Variants in GALNT6 observed in about 807,000 individuals in gnomAD.
GALNT6 encodes the protein polypeptide N-acetylgalactosaminyltransferase 6, also known as GalNAc transferase 6.
GALNT6 carries 51 observed loss-of-function variants against 65.9 expected under a neutral mutation model. That is an observed-to-expected ratio of 0.77 (90% CI 0.62 to 0.98). GALNT6 has a LOEUF of 0.98. Ranked by LOEUF, GALNT6 falls within the 50% of genes least tolerant of loss-of-function variation. The pLI, the probability that GALNT6 is intolerant of heterozygous loss-of-function variation, is 0.00. For missense variants in GALNT6, 708 were observed against 803.3 expected (o/e 0.88, Z 1.43); for synonymous variants, 323 against 315.1 (o/e 1.02, Z -0.26).
upstream of GALNT6, chr12:51,391,411 G>C (rs1356044428): frequency 6.5e-6 from 1 of 153,644 alleles, no homozygotes; most frequent in Non-Finnish European, 1.5e-5. Flanking sequence ...GGAGGGACCA[G>C]CCTGGCCCAG....
intron 4 of GALNT6, among the ~76,000 whole-genome samples, chr12:51,374,959 AT>A (rs368272070): frequency 2.7e-3 from 398 of 147,876 alleles, no homozygotes; most frequent in Non-Finnish European, 4.1e-3. Context: ...TCAATTCAAC[AT>A]TTTTTTTTTT....
chr12:51,386,159 G>A (rs1360798133), intron 2 of GALNT6, among the ~76,000 whole-genome samples: 1 of 152,232 alleles, frequency 6.6e-6, no homozygotes, highest in East Asian at 1.9e-4. Flanking sequence ...GACTAGGTCT[G>A]TCTGTGGGTC....
intron 2 of GALNT6, among the ~76,000 whole-genome samples, chr12:51,382,849 G>A (rs901390058): frequency 7.9e-5 from 12 of 152,150 alleles, no homozygotes; most frequent in Non-Finnish European, 1.3e-4. Context: ...CCCCTTGGGT[G>A]ATGGGGTGGG....
chr12:51,368,169 G>C (rs970218919), intron 4 of GALNT6, among the ~76,000 whole-genome samples: 12 of 151,484 alleles, frequency 7.9e-5, no homozygotes, highest in Non-Finnish European at 1.6e-4. Flanking sequence ...AGATTAAGAT[G>C]AGAAGGCCAA....
At chr12:51,391,060 A>G (rs567367574) in intron 1 of GALNT6, 123 bp from the exon 2 acceptor site, 4 of 152,558 alleles carry the variant, frequency 2.6e-5, no homozygotes, top group Non-Finnish European at 4.4e-5. Context: ...AGGGAATTCA[A>G]CCAAGCAGGG....
intron 4 of GALNT6, among the ~76,000 whole-genome samples, chr12:51,372,910 TG>T (rs1947335134): frequency 6.6e-6 from 1 of 152,264 alleles, no homozygotes. Context: ...GAAATCACTT[TG>T]GAACTTTAAG....
At position 51,377,160 on chromosome 12, in the gene GALNT6, C is replaced by T. The variant is rs1350610089; in HGVS notation, c.664+35G>A. On this transcript the variant is annotated intron_variant, in intron 4 of 11. Coordinates refer to ENST00000356317, the MANE Select transcript of GALNT6 (RefSeq NM_007210.4). ...TCCTCCTTTGAGTGCCCAGGGGAGA[C>T]CCCGGCCCCCTCCTCTGGGCCCCTC... The T allele has an allele frequency of 3.8e-6, 6 of 1,598,382 alleles. No homozygotes were observed. The African/African-American group carries it at 4.0e-5, about 11-fold the overall frequency.
chr12:51,359,438 A>T, intron 7 of GALNT6, 106 bp from the exon 8 acceptor site: 1 of 742,562 alleles, frequency 1.3e-6, no homozygotes, highest in Non-Finnish European at 2.2e-6. Context: ...AGGTCCAAGG[A>T]CTTGGGCAAA....
At chr12:51,365,018 G>T (rs556930446) in intron 5 of GALNT6, among the ~76,000 whole-genome samples, 40 of 152,256 alleles carry the variant, frequency 2.6e-4, no homozygotes, top group Admixed American at 2.4e-3. Flanking sequence ...CAACAGTGGG[G>T]AAGTGTTTTG....
chr12:51,352,607 T>A lies in GALNT6; in HGVS notation c.*1772A>T, dbSNP rs935101836. The A allele has an allele frequency of 6.6e-6, 1 of 152,186 alleles. No homozygotes were observed. The highest frequency in any genetic ancestry group is 2.4e-5 in the African/African-American group (1 of 41,450). 9.4% of individuals were successfully genotyped at this position (152,186 alleles called of 1,614,324 possible). On this transcript the variant is annotated 3_prime_UTR_variant, in exon 12 of 12. Transcript: ENST00000356317. ...AGAATCACTGGCTCCAGGAGCTTTC[T>A]TTTAACACTAACATCCCAGGATTCC...
intron 4 of GALNT6, among the ~76,000 whole-genome samples, chr12:51,370,673 G>GGTTGCCAGGGGTTGTGGGGAGGACAGC (rs1348926078): frequency 5.3e-5 from 8 of 152,164 alleles, no homozygotes; most frequent in Non-Finnish European, 1.2e-4. Context: ...GTAGAAGGGT[G>GGTTGCCAGGGGTTGTGGGGAGGACAGC]GTTGCCAGGG....
Position 51,364,310 on chromosome 12 carries a change from G to A in GALNT6, c.860C>T (p.Ala287Val), listed in dbSNP as rs781256286. ...GWLEPLLARI[A>V]EDKTVVVSPD... Reference sequence around the variant, plus strand: ...GCTCACCACCACTGTCTTGTCCTCAGCGATTCGAGCCAGGAGGGGCTCCAG... The same window carrying A: ...GCTCACCACCACTGTCTTGTCCTCAACGATTCGAGCCAGGAGGGGCTCCAG... Residue 287 changes from alanine (A) to valine (V), a missense_variant, in exon 6 of 12, where the codon GCT becomes GTT. Coordinates refer to ENST00000356317, the MANE Select transcript of GALNT6 (RefSeq NM_007210.4). The A allele has an allele frequency of 1.1e-5, 17 of 1,614,200 alleles. No individual in the cohort carries two copies. Among genetic ancestry groups the A allele is most frequent in the South Asian group, 6.6e-5 (6 of 91,086 alleles).
At chr12:51,360,932 A>T in intron 6 of GALNT6, 94 bp from the exon 7 acceptor site, 1 of 696,250 alleles carries the variant, frequency 1.4e-6, no homozygotes. Flanking sequence ...CTCCTAACCC[A>T]CCTCCCCCTC....
chr12:51,369,458 C>T (rs1018810392), intron 4 of GALNT6, among the ~76,000 whole-genome samples: 4 of 152,202 alleles, frequency 2.6e-5, no homozygotes, highest in Non-Finnish European at 5.9e-5. Context: ...CTCATGTCCC[C>T]GCCGTGACAG....
Position 51,355,955 on chromosome 12 carries a change from A to G in GALNT6, c.1606T>C (p.Phe536Leu). Reference protein sequence around the residue: ...SCHGLGGNQYFEYTTQRDLRH... With the variant: ...SCHGLGGNQYLEYTTQRDLRH... The stretch of plus-strand genomic sequence containing the variant: ...AGGTCCCTCTGAGTTGTGTACTCAA[A>G]GTACTGGAAATCAAGACAAGAGAAG... Residue 536 changes from phenylalanine (F) to leucine (L), a missense_variant, in exon 11 of 12, where the codon TTT becomes CTT. Phe to Leu is a conservative substitution (Grantham distance 22). Coordinates refer to ENST00000356317, the MANE Select transcript of GALNT6 (RefSeq NM_007210.4). The G allele has an allele frequency of 6.2e-7, 1 of 1,612,552 alleles. No homozygotes were observed. Among genetic ancestry groups the G allele is most frequent in the Non-Finnish European group, 8.5e-7 (1 of 1,178,992 alleles).
rs768772261 is a variant in GALNT6 at position 51,364,102 on chromosome 12, A to C, written c.1049+19T>G. The C allele has an allele frequency of 3.2e-5, 51 of 1,573,742 alleles. No individual in the cohort carries two copies. Among genetic ancestry groups the C allele is most frequent in the Non-Finnish European group, 4.4e-5 (50 of 1,143,300 alleles). ...AGGACTGGGGCCAGGTTGGGGGCTC[A>C]CCAGGCTGCGGTCCTTACTTGATGG... is the stretch of plus-strand genomic sequence containing the variant. On this transcript the variant is annotated intron_variant, in intron 6 of 11. Coordinates refer to ENST00000356317, the MANE Select transcript of GALNT6 (RefSeq NM_007210.4).
At position 51,379,749 on chromosome 12, in the gene GALNT6, C is replaced by T. The variant is rs1393374315; in HGVS notation, c.33G>A (p.Leu11=). The T allele has an allele frequency of 8.1e-6, 13 of 1,611,658 alleles. No individual in the cohort carries two copies. The highest frequency in any genetic ancestry group is 1.1e-5 in the Non-Finnish European group (13 of 1,179,872). Residue 11 remains leucine (L), a synonymous_variant, in exon 3 of 12, where the codon CTG becomes CTA. Transcript: ENST00000356317. MRLLRRRHMP[L]RLAMVGCAFV... ...AGGCGCAGCCCACCATGGCCAGGCG[C>T]AGGGGCATGTGGCGTCTGCGGAGGA...
chr12:51,356,634 G>A (rs1946758746), intron 10 of GALNT6, among the ~76,000 whole-genome samples: 1 of 152,034 alleles, frequency 6.6e-6, no homozygotes, highest in Admixed American at 6.6e-5. Flanking sequence ...AAAGTGCTGG[G>A]ATTACAGGTG....
intron 2 of GALNT6, among the ~76,000 whole-genome samples, chr12:51,383,928 G>T (rs1592357847): frequency 1.3e-5 from 2 of 152,118 alleles, no homozygotes; most frequent in Non-Finnish European, 2.9e-5. Flanking sequence ...CAGCCTTGGA[G>T]AAAGAATAGC....
Sources: gnomAD v4.1 joint callset for allele counts (sites outside exome capture counted in the v4.1 genomes callset) on GRCh38, gnomAD v4.1.1 for gene constraint, MANE v1.5 for transcripts, NCBI Gene and HGNC (gene_info 2026-07-23, HGNC 2026-07-21) for gene names.